TXNDC16: variants seen among roughly 807,000 people sequenced by gnomAD.
TXNDC16 encodes the protein thioredoxin domain containing 16, also known as thioredoxin domain-containing protein 16.
Under a neutral mutation model 85.6 loss-of-function variants are expected in TXNDC16, and 74 were observed. The observed-to-expected ratio is 0.86, with a 90% confidence interval of 0.72 to 1.05. The LOEUF is 1.05. TXNDC16 is among the 50% of genes least tolerant of loss of function. TXNDC16 has a pLI of 0.00. For missense variants in TXNDC16, 959 were observed against 947.0 expected (o/e 1.01, Z -0.17); for synonymous variants, 335 against 326.5 (o/e 1.03, Z -0.28).
At chr14:52,474,083 G>C (rs1009447987) in intron 14 of TXNDC16, among the ~76,000 whole-genome samples, 4 of 152,144 alleles carry the variant, frequency 2.6e-5, no homozygotes, top group African/African-American at 7.2e-5. Context: ...AGGAAAACAA[G>C]TCCTGGGTTG....
intron 8 of TXNDC16, among the ~76,000 whole-genome samples, chr14:52,513,167 A>C (rs2036996386): frequency 2.0e-5 from 3 of 152,174 alleles, no homozygotes; most frequent in Admixed American, 2.0e-4. Flanking sequence ...TGCTTTTCTT[A>C]ACAAATAATT....
In TXNDC16 at chr14:52,470,674, G is replaced by A; in HGVS notation, c.1319C>T (p.Ser440Phe). The A allele has an allele frequency of 1.3e-6, 2 of 1,597,856 alleles. No individual in the cohort carries two copies. Among genetic ancestry groups the A allele is most frequent in the Non-Finnish European group, 1.7e-6 (2 of 1,173,860 alleles). ...GTTTATTCTAGTAAGAAGCATAGTA[G>A]ATGTGCCTAAATAAAAGGAAAATGC... ...IDVAVKLKGT[S>F]TMLLTRINCA... Residue 440 changes from serine (S) to phenylalanine (F), a missense_variant, in exon 15 of 21, where the codon TCT becomes TTT. Physicochemically the swap from Ser to Phe is radical, Grantham distance 155. Coordinates refer to ENST00000281741, the MANE Select transcript of TXNDC16 (RefSeq NM_020784.3).
intron 3 of TXNDC16, 144 bp downstream of exon 3, chr14:52,543,254 C>T (rs1222185512): frequency 1.0e-5 from 9 of 879,504 alleles, no homozygotes; most frequent in East Asian, 2.9e-5. Context: ...CGGCACGGGC[C>T]GGATTCAAAC....
At chr14:52,481,123 T>C (rs1468965464) in intron 14 of TXNDC16, among the ~76,000 whole-genome samples, 1 of 151,696 alleles carries the variant, frequency 6.6e-6, no homozygotes, top group Non-Finnish European at 1.5e-5. Context: ...TTCTCACTCA[T>C]ATTTGGGAGC....
At position 52,536,729 on chromosome 14, in the gene TXNDC16, G is replaced by C. The variant is rs1187672415; in HGVS notation, c.382C>G (p.His128Asp). The C allele has an allele frequency of 6.2e-7, 1 of 1,610,056 alleles. No individual in the cohort carries two copies. The highest frequency in any genetic ancestry group is 8.5e-7 in the Non-Finnish European group (1 of 1,177,600). Reference protein sequence around the residue: ...TLFDVNAIVAHVLFALLFSEV... With the variant: ...TLFDVNAIVADVLFALLFSEV... ...AGCCCCTGTACTTACAAGAGAACAT[G>C]GGCGACAATGGCATTCACATCAAAC... The change falls in exon 6 of 21, where the codon CAT becomes GAT. Residue 128 changes from histidine (H) to aspartate (D), a missense_variant. By Grantham distance (81) the His-to-Asp change is moderately conservative (BLOSUM62 -1). Transcript: ENST00000281741.
At chr14:52,495,757 G>A (rs2036517117) in intron 9 of TXNDC16, among the ~76,000 whole-genome samples, 1 of 152,176 alleles carries the variant, frequency 6.6e-6, no homozygotes, top group South Asian at 2.1e-4. Context: ...CTTTGATTGA[G>A]TCCTGCACAA....
chr14:52,531,206 A>T (rs548214449), intron 6 of TXNDC16, among the ~76,000 whole-genome samples: 11 of 152,298 alleles, frequency 7.2e-5, no homozygotes, highest in African/African-American at 2.6e-4. Flanking sequence ...AGGAACTTTC[A>T]TTCATTGCTG....
At chr14:52,453,834 A>G (rs2035466657) in intron 18 of TXNDC16, among the ~76,000 whole-genome samples, 1 of 152,068 alleles carries the variant, frequency 6.6e-6, no homozygotes, top group South Asian at 2.1e-4. Context: ...TTTTCTCCAC[A>G]TCCTCACCAG....
At chr14:52,505,508 T>G (rs758374072) in intron 9 of TXNDC16, among the ~76,000 whole-genome samples, 70 of 152,202 alleles carry the variant, frequency 4.6e-4, no homozygotes, top group Non-Finnish European at 8.2e-4. Flanking sequence ...AAGATGTCTT[T>G]GAAACCAATG....
Position 52,490,849 on chromosome 14 carries a change from G to A in TXNDC16, c.913C>T (p.Leu305Phe), listed in dbSNP as rs778427628. Residue 305 changes from leucine (L) to phenylalanine (F), a missense_variant, in exon 10 of 21, where the codon CTC (leucine) becomes TTC (phenylalanine). Leu to Phe is a conservative substitution (Grantham distance 22). Transcript: ENST00000281741. ...WRLLGKAGVL[L>F]LLRDSLEVNI... The stretch of plus-strand genomic sequence containing the variant: ...CGATGTTTAAGATACCTTAACAAGA[G>A]TAGAACTCCTGCTTTTCCCAGAAGA... 1 of 1,611,168 alleles carries A rather than the reference G, an allele frequency of 6.2e-7. No homozygotes were observed. Among genetic ancestry groups the A allele is most frequent in the Non-Finnish European group, 8.5e-7 (1 of 1,179,212 alleles).
chr14:52,533,228 C>T (rs558045751), intron 6 of TXNDC16, among the ~76,000 whole-genome samples: 2 of 152,274 alleles, frequency 1.3e-5, no homozygotes, highest in East Asian at 3.9e-4. Context: ...ATTTGCTCTT[C>T]TTCCTTGCCT....
chr14:52,520,317 C>T (rs900291364), intron 6 of TXNDC16, among the ~76,000 whole-genome samples: 1 of 152,200 alleles, frequency 6.6e-6, no homozygotes. Flanking sequence ...CCAAAATTAT[C>T]CCTTTTTTAA....
intron 14 of TXNDC16, among the ~76,000 whole-genome samples, chr14:52,477,270 T>G (rs544471672): frequency 6.6e-6 from 1 of 151,578 alleles, no homozygotes; most frequent in Admixed American, 6.6e-5. Context: ...ACAATTTTTT[T>G]AAAATGGTAT....
intron 16 of TXNDC16, among the ~76,000 whole-genome samples, chr14:52,469,607 G>T (rs750336857): frequency 2.0e-5 from 3 of 151,950 alleles, no homozygotes; most frequent in Non-Finnish European, 4.4e-5. Context: ...GCTGGGCATG[G>T]TGGCATGTGC....
At chr14:52,447,587 T>C (rs1341222742) in intron 18 of TXNDC16, among the ~76,000 whole-genome samples, 1 of 152,084 alleles carries the variant, frequency 6.6e-6, no homozygotes, top group African/African-American at 2.4e-5. Flanking sequence ...ACTCCATTTG[T>C]TTGGGAGAAA....
At chr14:52,509,226 G>T (rs1409044362) in intron 9 of TXNDC16, among the ~76,000 whole-genome samples, 1 of 152,046 alleles carries the variant, frequency 6.6e-6, no homozygotes, top group Admixed American at 6.6e-5. Flanking sequence ...AAGCCAGAAT[G>T]TTGTAGCAAA....
intron 9 of TXNDC16, among the ~76,000 whole-genome samples, chr14:52,496,297 T>C (rs1180673711): frequency 6.6e-6 from 1 of 152,136 alleles, no homozygotes. Flanking sequence ...CACTGGTCTA[T>C]AGCAAGTCTG....
intron 8 of TXNDC16, among the ~76,000 whole-genome samples, chr14:52,514,518 C>T (rs908815714): frequency 6.6e-6 from 1 of 152,142 alleles, no homozygotes; most frequent in Non-Finnish European, 1.5e-5. Flanking sequence ...GACAAAGTAA[C>T]TTACAAGAGT....
At chr14:52,466,834 T>G (rs1172989994) in intron 16 of TXNDC16, among the ~76,000 whole-genome samples, 2 of 151,882 alleles carry the variant, frequency 1.3e-5, no homozygotes, top group Non-Finnish European at 2.9e-5. Flanking sequence ...GCCACTGCAC[T>G]CCAGCCTGGG....
Sources: allele counts gnomAD v4.1 joint callset (sites outside exome capture counted in the v4.1 genomes callset), GRCh38; gene constraint gnomAD v4.1.1; transcripts MANE v1.5; gene names NCBI Gene and HGNC (gene_info 2026-07-23, HGNC 2026-07-21).